Variants in SYT1 observed in about 807,000 individuals in gnomAD.
SYT1 encodes synaptotagmin-1.
SYT1 carries 8 observed loss-of-function variants against 44.8 expected under a neutral mutation model. The observed-to-expected ratio is 0.18, with a 90% confidence interval of 0.10 to 0.32. The LOEUF is 0.32. SYT1 is among the 10% of genes least tolerant of loss of function. The pLI, the probability that SYT1 is intolerant of heterozygous loss-of-function variation, is 1.00. For missense variants in SYT1, 286 were observed against 509.3 expected (o/e 0.56, Z 4.22); for synonymous variants, 154 against 188.8 (o/e 0.82, Z 1.51).
At chr12:78,914,709 T>C (rs1281610119) in intron 1 of SYT1, among the ~76,000 whole-genome samples, 4 of 152,028 alleles carry the variant, frequency 2.6e-5, no homozygotes. Context: ...CCTAAAGATA[T>C]ATTCAGCTTA....
intron 3 of SYT1, among the ~76,000 whole-genome samples, chr12:79,107,343 G>T (rs1324418583): frequency 6.6e-6 from 1 of 151,806 alleles, no homozygotes; most frequent in Non-Finnish European, 1.5e-5. Context: ...TGTTCCTGAT[G>T]ATTACAAAAT....
intron 3 of SYT1, among the ~76,000 whole-genome samples, chr12:79,185,822 T>C (rs1045064884): frequency 1.6e-4 from 25 of 152,034 alleles, no homozygotes; most frequent in Admixed American, 1.3e-3. Flanking sequence ...AAATATGTCC[T>C]ATATTTCCAC....
intron 8 of SYT1, among the ~76,000 whole-genome samples, chr12:79,343,625 T>A (rs1882473313): frequency 6.6e-6 from 1 of 152,220 alleles, no homozygotes; most frequent in Non-Finnish European, 1.5e-5. Flanking sequence ...ATTTTAATGT[T>A]GAAAGAAAGA....
intron 3 of SYT1, among the ~76,000 whole-genome samples, chr12:79,176,913 A>G (rs1871908497): frequency 6.6e-6 from 1 of 152,044 alleles, no homozygotes; most frequent in African/African-American, 2.4e-5. Context: ...TATAACCACA[A>G]TGTCAATCAC....
intron 4 of SYT1, among the ~76,000 whole-genome samples, chr12:79,262,662 C>A (rs955556363): frequency 6.6e-5 from 10 of 152,150 alleles, no homozygotes; most frequent in African/African-American, 2.4e-4. Context: ...CTTTCTCTGC[C>A]AACTTCTGAG....
intron 3 of SYT1, among the ~76,000 whole-genome samples, chr12:79,051,203 T>C (rs1375924251): frequency 6.6e-6 from 1 of 151,754 alleles, no homozygotes; most frequent in African/African-American, 2.4e-5. Context: ...TGAAAATTTA[T>C]GTAAATTATT....
chr12:78,966,560 G>A (rs1277689293), intron 1 of SYT1, among the ~76,000 whole-genome samples: 3 of 152,022 alleles, frequency 2.0e-5, no homozygotes, highest in African/African-American at 2.4e-5. Context: ...CATTTTTAGC[G>A]TTTCAAAAGA....
chr12:78,990,509 C>T (rs976882215), intron 2 of SYT1, among the ~76,000 whole-genome samples: 6 of 152,072 alleles, frequency 3.9e-5, no homozygotes, highest in Admixed American at 2.0e-4. Context: ...AAAGACAATG[C>T]GAGTTGATAT....
chr12:79,176,077 T>C (rs1871844472), intron 3 of SYT1, among the ~76,000 whole-genome samples: 1 of 151,850 alleles, frequency 6.6e-6, no homozygotes, highest in African/African-American at 2.4e-5. Context: ...GATCACCTGA[T>C]GTTCAGAGTT....
rs1869604733 is a variant in SYT1 at position 79,142,251 on chromosome 12, C to T, written c.-17-75252C>T. On this transcript the variant is annotated intron_variant, in intron 3 of 10. Transcript: ENST00000261205. ...GTGCAAAATTCCAAAGCGAGGGATC[C>T]CTGTGGTGCCAGGTAAGCGTCTCAC... 2.0e-5 allele frequency among the ~76,000 whole-genome samples: 3 copies of T among 152,178 alleles called. No homozygotes were observed. The South Asian group carries it at 6.2e-4, about 32-fold the overall frequency.
chr12:79,002,049 A>C (rs1198202650), intron 2 of SYT1, among the ~76,000 whole-genome samples: 1 of 152,124 alleles, frequency 6.6e-6, no homozygotes, highest in Non-Finnish European at 1.5e-5. Flanking sequence ...AATAACTAAA[A>C]TATTTAAGGA....
At chr12:79,014,208 A>T (rs10506803) in intron 2 of SYT1, among the ~76,000 whole-genome samples, 11,162 of 151,776 alleles carry the variant, frequency 0.074, 519 homozygotes, top group East Asian at 0.14. Context: ...CTTCTAATGA[A>T]AAACCAGTTC....
At chr12:78,981,122 T>C (rs1462529204) in intron 2 of SYT1, among the ~76,000 whole-genome samples, 4 of 146,960 alleles carry the variant, frequency 2.7e-5, no homozygotes, top group Non-Finnish European at 6.0e-5. Context: ...TGTTTGTTTC[T>C]TTGTTTTTTT....
At chr12:79,197,981 T>C (rs182468375) in intron 3 of SYT1, among the ~76,000 whole-genome samples, 80 of 152,086 alleles carry the variant, frequency 5.3e-4, no homozygotes, top group South Asian at 4.8e-3. Context: ...AATAAGATAA[T>C]ACTAATAGAG....
chr12:79,136,283 T>C (rs1473125855), intron 3 of SYT1, among the ~76,000 whole-genome samples: 1 of 152,196 alleles, frequency 6.6e-6, no homozygotes, highest in East Asian at 1.9e-4. Flanking sequence ...AGTAGTATTA[T>C]GAGGTTGATA....
chr12:79,065,513 A>ATTCTCATT (rs763571343), intron 3 of SYT1, among the ~76,000 whole-genome samples: 7 of 152,308 alleles, frequency 4.6e-5, no homozygotes, highest in Non-Finnish European at 7.4e-5. Flanking sequence ...TAAAGCTGAT[A>ATTCTCATT]TTCTCATTTT....
intron 2 of SYT1, among the ~76,000 whole-genome samples, chr12:79,027,420 T>A (rs1233699348): frequency 2.0e-5 from 3 of 151,518 alleles, no homozygotes; most frequent in Non-Finnish European, 4.4e-5. Flanking sequence ...CTAGAAACAC[T>A]GTCTATCATA....
intron 1 of SYT1, among the ~76,000 whole-genome samples, chr12:78,896,824 A>T (rs1875386522): frequency 6.6e-6 from 1 of 151,856 alleles, no homozygotes; most frequent in African/African-American, 2.4e-5. Flanking sequence ...AAAGAGAAAA[A>T]GGAAGTAGTT....
intron 4 of SYT1, among the ~76,000 whole-genome samples, chr12:79,265,017 G>A (rs958896546): frequency 6.6e-6 from 1 of 151,814 alleles, no homozygotes; most frequent in Admixed American, 6.6e-5. Context: ...AAAATTGCTT[G>A]TATTTCATCT....
Sources: gnomAD v4.1 joint callset for allele counts (sites outside exome capture counted in the v4.1 genomes callset) on GRCh38, gnomAD v4.1.1 for gene constraint, MANE v1.5 for transcripts, NCBI Gene and HGNC (gene_info 2026-07-23, HGNC 2026-07-21) for gene names.